The following NOL4L variants were observed in gnomAD, a reference collection of about 807,000 sequenced individuals.
NOL4L encodes the protein nucleolar protein 4-like.
In NOL4L, 7 loss-of-function variants were observed where a neutral mutation model predicts 64.5. The ratio of observed to expected loss-of-function variants is 0.11; its 90% CI spans 0.06 to 0.20. NOL4L has a LOEUF of 0.20. Among genes scored for constraint, NOL4L ranks in the 10% least tolerant of loss-of-function variants. The probability of loss-of-function intolerance (pLI) is 1.00; values close to 1 mark genes in which losing one functional copy is unlikely to be tolerated. For synonymous variants in NOL4L, 413 were observed against 401.0 expected (o/e 1.03, Z -0.36); for missense variants, 680 against 967.1 (o/e 0.70, Z 3.94).
intron 1 of NOL4L, among the ~76,000 whole-genome samples, chr20:32,556,071 G>A (rs1237110080): frequency 2.0e-5 from 3 of 152,210 alleles, no homozygotes; most frequent in Admixed American, 6.5e-5. Flanking sequence ...GGTCTGCCTT[G>A]GTCTCTGCAC....
chr20:32,474,607 C>T lies in NOL4L; in HGVS notation c.835G>A (p.Glu279Lys). The change falls in exon 5 of 11, where the codon GAG (glutamate) becomes AAG (lysine). Residue 279 changes from glutamate to lysine, a missense_variant. By Grantham distance (56) the Glu-to-Lys change is moderately conservative. This residue lies in a region of NOL4L where 254 missense variants were observed against 238.7 expected (regional missense o/e 1.06). Transcript: ENST00000621426. ...GCCACCAAGGGGCACTCACCGTCCTCTTGACTGTGGAGGTTCTGCGGGCTC... is the reference window on the plus strand; with the variant it reads ...GCCACCAAGGGGCACTCACCGTCCTTTTGACTGTGGAGGTTCTGCGGGCTC... ...MRSPQNLHSQ[E>K]DDDSSSESGS... 1 of 1,611,984 alleles carries T rather than the reference C, an allele frequency of 6.2e-7. No individual in the cohort carries two copies. Among genetic ancestry groups the T allele is most frequent in the African/African-American group, 1.3e-5 (1 of 75,034 alleles).
At chr20:32,550,174 G>GT (rs1336148142) in intron 1 of NOL4L, among the ~76,000 whole-genome samples, 1 of 152,160 alleles carries the variant, frequency 6.6e-6, no homozygotes, top group East Asian at 1.9e-4. Flanking sequence ...ATCATAGAGT[G>GT]TATCTACACA....
chr20:32,487,734 G>A (rs1003276420), intron 4 of NOL4L, among the ~76,000 whole-genome samples: 1 of 152,220 alleles, frequency 6.6e-6, no homozygotes, highest in African/African-American at 2.4e-5. Flanking sequence ...TTTTAGATCA[G>A]GGGAGATGAG....
At chr20:32,536,765 G>A (rs2018540026) in intron 1 of NOL4L, among the ~76,000 whole-genome samples, 1 of 142,732 alleles carries the variant, frequency 7.0e-6, no homozygotes, top group Non-Finnish European at 1.6e-5. Context: ...TCAGTGCAGG[G>A]GGGACGGCTC....
intron 1 of NOL4L, chr20:32,582,210 GTTGTGT>G (rs1224711872): frequency 1.3e-5 from 2 of 152,236 alleles, no homozygotes; most frequent in Non-Finnish European, 2.9e-5. Flanking sequence ...GGGCACGTCT[GTTGTGT>G]TTGTCGATCT....
At chr20:32,582,696 G>C (rs1980558625) in intron 1 of NOL4L, among the ~76,000 whole-genome samples, 1 of 151,890 alleles carries the variant, frequency 6.6e-6, no homozygotes, top group Non-Finnish European at 1.5e-5. Context: ...GGATGGGGGG[G>C]TGGGGTGGGG....
intron 1 of NOL4L, among the ~76,000 whole-genome samples, chr20:32,550,607 C>T (rs569541174): frequency 2.3e-3 from 352 of 152,226 alleles, no homozygotes; most frequent in Non-Finnish European, 9.9e-4. Flanking sequence ...AGTGGCCGGG[C>T]GCAGTGGCTC....
chr20:32,457,050 G>C (rs2145438223), intron 5 of NOL4L, among the ~76,000 whole-genome samples: 1 of 152,332 alleles, frequency 6.6e-6, no homozygotes, highest in Non-Finnish European at 1.5e-5. Context: ...GGGCTGCAAG[G>C]TCTGGGGTCT....
intron 4 of NOL4L, among the ~76,000 whole-genome samples, chr20:32,483,892 C>T (rs1332993982): frequency 6.9e-6 from 1 of 145,624 alleles, no homozygotes; most frequent in Non-Finnish European, 1.5e-5. Flanking sequence ...GCGCGCTGGA[C>T]GCGCCGCCGT....
intron 1 of NOL4L, among the ~76,000 whole-genome samples, chr20:32,547,319 C>A (rs146947616): frequency 3.5e-4 from 54 of 152,226 alleles, no homozygotes; most frequent in African/African-American, 1.3e-3. Context: ...GAGAGAGGAT[C>A]CCATTCTGTC....
intron 4 of NOL4L, chr20:32,510,131 G>A (rs538075291): frequency 5.2e-6 from 2 of 386,358 alleles, no homozygotes; most frequent in East Asian, 1.5e-4. Flanking sequence ...TTCCCCACTG[G>A]AATTATTTGT....
chr20:32,554,183 T>C (rs1336523692), intron 1 of NOL4L, among the ~76,000 whole-genome samples: 1 of 151,486 alleles, frequency 6.6e-6, no homozygotes, highest in Non-Finnish European at 1.5e-5. Flanking sequence ...TAGCCGGGCG[T>C]GGTGGCAGGT....
chr20:32,454,317 G>A (rs188354942), intron 6 of NOL4L, among the ~76,000 whole-genome samples: 69 of 152,366 alleles, frequency 4.5e-4, no homozygotes, highest in Admixed American at 1.0e-3. Flanking sequence ...CCGTTCAGCA[G>A]GATGCGTTCC....
Position 32,584,908 on chromosome 20 carries a change from C to T in NOL4L, c.-18G>A. On this transcript the variant is annotated 5_prime_UTR_variant, in exon 1 of 11. Transcript: ENST00000621426. ...TTCGGCATCCTCCCGCCGCGCCCGGCGCCCTCGGGGGCGGGCCGGCCGCCG... is the reference window on the plus strand; with the variant it reads ...TTCGGCATCCTCCCGCCGCGCCCGGTGCCCTCGGGGGCGGGCCGGCCGCCG... 1 of 1,210,208 alleles carries T rather than the reference C, an allele frequency of 8.3e-7. No individual in the cohort carries two copies. Among genetic ancestry groups the T allele is most frequent in the Non-Finnish European group, 1.0e-6 (1 of 975,758 alleles). 75.0% of individuals were successfully genotyped at this position (1,210,208 alleles called of 1,614,324 possible).
At chr20:32,451,885 A>G (rs2236155) in intron 10 of NOL4L, among the ~76,000 whole-genome samples, 52,266 of 152,096 alleles carry the variant, frequency 0.34, 10,367 homozygotes, top group East Asian at 0.78. Flanking sequence ...GGCCAAGAAC[A>G]GGCCCTTGGC....
At chr20:32,567,266 C>T (rs1439721488) in intron 1 of NOL4L, among the ~76,000 whole-genome samples, 1 of 152,172 alleles carries the variant, frequency 6.6e-6, no homozygotes, top group Non-Finnish European at 1.5e-5. Flanking sequence ...CCTGGCTTCC[C>T]ACCTGCCCCA....
At position 32,443,694 on chromosome 20, in the gene NOL4L, C is replaced by T. The variant is rs1029947893; in HGVS notation, c.*3902G>A. ...TAAATTATGCCAGAGGACTAAAGACCTCTTGGGTTGTCCCTAAATCCTGGA... is the reference window on the plus strand; with the variant it reads ...TAAATTATGCCAGAGGACTAAAGACTTCTTGGGTTGTCCCTAAATCCTGGA... On this transcript the variant is annotated 3_prime_UTR_variant, in exon 11 of 11. Coordinates refer to ENST00000621426, the MANE Select transcript of NOL4L (RefSeq NM_001256798.2). The T allele has an allele frequency of 3.3e-5, 5 of 152,224 alleles. No individual in the cohort carries two copies. The highest frequency in any genetic ancestry group is 1.2e-4 in the African/African-American group (5 of 41,450). The allele number at this position is 152,224 out of a possible 1,614,324, so 9.4% of individuals were successfully genotyped here.
intron 4 of NOL4L, among the ~76,000 whole-genome samples, chr20:32,481,195 G>A (rs924922480): frequency 6.6e-6 from 1 of 152,182 alleles, no homozygotes; most frequent in African/African-American, 2.4e-5. Context: ...TGTATATCAA[G>A]TGGAAAACAG....
intron 1 of NOL4L, among the ~76,000 whole-genome samples, chr20:32,583,567 C>A (rs1980644732): frequency 6.7e-6 from 1 of 149,024 alleles, no homozygotes; most frequent in African/African-American, 2.5e-5. Flanking sequence ...CGCGGCCCGA[C>A]CGGGCCGGGG....
Sources: gnomAD v4.1 joint callset for allele counts (sites outside exome capture counted in the v4.1 genomes callset) on GRCh38, gnomAD v4.1.1 for gene constraint, gnomAD v4.1.1 regional missense constraint, MANE v1.5 for transcripts, NCBI Gene and HGNC (gene_info 2026-07-23, HGNC 2026-07-21) for gene names.